OR3A3: variants seen among roughly 807,000 people sequenced by gnomAD.
OR3A3 encodes the protein olfactory receptor family 3 subfamily A member 3, also known as olfactory receptor 3A3.
For synonymous variants in OR3A3, 103 were observed against 163.9 expected (o/e 0.63, Z 2.84); for missense variants, 275 against 391.4 (o/e 0.70, Z 2.51).
exon 3 of OR3A3, chr17:3,421,300 A>G: frequency 2.5e-6 from 4 of 1,614,208 alleles, no homozygotes; most frequent in Non-Finnish European, 3.4e-6. Context: ...GGGCAGAAAG[A>G]AGGCCTTCTC....
intron 2 of OR3A3, among the ~76,000 whole-genome samples, chr17:3,419,937 T>C (rs1480622399): frequency 6.6e-6 from 1 of 152,002 alleles, no homozygotes; most frequent in Non-Finnish European, 1.5e-5. Context: ...GGCTGATTTT[T>C]TTTGTATTTT....
At chr17:3,413,222 G>A (rs1023419137) in intron 2 of OR3A3, among the ~76,000 whole-genome samples, 1 of 152,200 alleles carries the variant, frequency 6.6e-6, no homozygotes, top group Non-Finnish European at 1.5e-5. Context: ...CAAAGACAGG[G>A]AAAGAGAGAA....
exon 3 of OR3A3, chr17:3,421,490 G>A: frequency 6.4e-7 from 1 of 1,553,450 alleles, no homozygotes; most frequent in Non-Finnish European, 8.7e-7. Context: ...GATGTTCAGG[G>A]CGCTCTGTGT....
At chr17:3,414,509 T>C (rs2072379755) in intron 2 of OR3A3, among the ~76,000 whole-genome samples, 1 of 152,170 alleles carries the variant, frequency 6.6e-6, no homozygotes, top group South Asian at 2.1e-4. Flanking sequence ...AAAAACACGA[T>C]GCAGGAAGGT....
chr17:3,415,387 C>T (rs953476889), intron 2 of OR3A3, among the ~76,000 whole-genome samples: 6 of 151,284 alleles, frequency 4.0e-5, no homozygotes, highest in East Asian at 1.9e-4. Context: ...ATGGTGAAAC[C>T]CTATCTCTAC....
chr17:3,414,948 A>G (rs1370512763), intron 2 of OR3A3, among the ~76,000 whole-genome samples: 2 of 152,182 alleles, frequency 1.3e-5, no homozygotes, highest in African/African-American at 4.8e-5. Flanking sequence ...TAAAATCTCC[A>G]ATGAAAAACA....
chr17:3,413,849 A>AC lies in OR3A3; in HGVS notation c.-7+1678_-7+1679insC, dbSNP rs371990748. ...AAAAAACAAAAAAACAAAAAACAAA[A>AC]AAAAAAAACTTTAAGGACCTCTTAG... On this transcript the variant is annotated intron_variant, in intron 2 of 2. Coordinates refer to ENST00000641141, the Ensembl canonical transcript of OR3A3. Among the ~76,000 whole-genome samples the AC allele has an allele frequency of 1.4e-3, 209 of 150,872 alleles. 1 individual carries two copies. The highest frequency in any genetic ancestry group is 4.9e-3 in the African/African-American group (202 of 41,046).
rs567296268 is a variant in OR3A3 at position 3,421,512 on chromosome 17, G to C, written c.927G>C (p.Val309=). 94 of 1,532,264 alleles carry C rather than the reference G, an allele frequency of 6.1e-5. 1 individual carries two copies. The South Asian group carries it at 1.0e-3, about 17-fold the overall frequency. 94.9% of individuals were successfully genotyped at this position (1,532,264 alleles called of 1,614,324 possible). Residue 309 remains valine (V), a synonymous_variant, in exon 3 of 3, where the codon GTG becomes GTC. Coordinates refer to ENST00000641141, the Ensembl canonical transcript of OR3A3. ...AGGGCGCTCTGTGTCAGCTACTTGT[G>C]GGGAAGCGATCACTGACCTGAGAGA...
intron 2 of OR3A3, among the ~76,000 whole-genome samples, chr17:3,414,883 A>G (rs2072381486): frequency 6.6e-6 from 1 of 150,722 alleles, no homozygotes; most frequent in South Asian, 2.1e-4. Context: ...TCGATCATTC[A>G]TAAAAAGTAT....
chr17:3,412,424 C>T (rs2072367473), intron 2 of OR3A3, among the ~76,000 whole-genome samples: 1 of 147,542 alleles, frequency 6.8e-6, no homozygotes, highest in Non-Finnish European at 1.5e-5. Context: ...TGCCCGCACC[C>T]ACTGCATCAG....
At chr17:3,423,217 T>A (rs1438500726) in exon 3 of OR3A3, 1 of 152,268 alleles carries the variant, frequency 6.6e-6, no homozygotes, top group African/African-American at 2.4e-5. Context: ...TCACATTTAA[T>A]GACCTCTGAT....
chr17:3,419,146 C>T (rs1367195785), intron 2 of OR3A3, among the ~76,000 whole-genome samples: 2 of 152,204 alleles, frequency 1.3e-5, no homozygotes, highest in Non-Finnish European at 2.9e-5. Flanking sequence ...ACAATAATAA[C>T]ACTAGCAATT....
chr17:3,420,615 C>T (rs201506589), exon 3 of OR3A3: 47 of 1,518,188 alleles, frequency 3.1e-5, no homozygotes, highest in East Asian at 1.4e-4. Flanking sequence ...CCAATAGGAC[C>T]GCTGTTGCTG....
chr17:3,411,917 G>C (rs568801672), intron 1 of OR3A3, 61 bp from the exon 2 acceptor site: 1 of 151,966 alleles, frequency 6.6e-6, no homozygotes, highest in Admixed American at 6.6e-5. Context: ...GTTGCCATGA[G>C]TATGAAGGGC....
In OR3A3 at chr17:3,417,982, A is replaced by AT. The variant is rs1323003654; in HGVS notation, c.-6-2592dup. Among the ~76,000 whole-genome samples, 8 of 151,852 alleles carry AT rather than the reference A, an allele frequency of 5.3e-5. No homozygotes were observed. The East Asian group carries it at 1.2e-3, about 22-fold the overall frequency. ...TCTAATTGTTTGTTCCTCCATGCTC[A>AT]TTTTTTACCTGAGTTCTGTTATCTC... On this transcript the variant is annotated intron_variant, in intron 2 of 2. Transcript: ENST00000641141.
At chr17:3,421,025 T>C (rs2072430314) in exon 3 of OR3A3, 1 of 1,613,966 alleles carries the variant, frequency 6.2e-7, no homozygotes, top group Non-Finnish European at 8.5e-7. Flanking sequence ...CAGAGGATGT[T>C]GGTGGCTGCG....
chr17:3,412,039 A>G (rs965473728), exon 2 of OR3A3: 10 of 151,908 alleles, frequency 6.6e-5, no homozygotes, highest in African/African-American at 2.4e-4. Context: ...CTGTACAGAG[A>G]AGACAGCAGC....
intron 2 of OR3A3, among the ~76,000 whole-genome samples, chr17:3,412,494 G>A (rs1374215735): frequency 6.8e-6 from 1 of 147,302 alleles, no homozygotes; most frequent in African/African-American, 2.5e-5. Context: ...GGCGCGTGAG[G>A]GATGGGCTGG....
rs552954751 is a variant in OR3A3 at position 3,416,335 on chromosome 17, T to C, written c.-7+4164T>C. Among the ~76,000 whole-genome samples, 31 of 152,318 alleles carry C rather than the reference T, an allele frequency of 2.0e-4. No homozygotes were observed. The South Asian group carries it at 6.2e-3, about 31-fold the overall frequency. On this transcript the variant is annotated intron_variant, in intron 2 of 2. Coordinates refer to ENST00000641141, the Ensembl canonical transcript of OR3A3. The stretch of plus-strand genomic sequence containing the variant: ...TTCCTGACCAAATCCCAAATACTTA[T>C]GGTTAATTATTTTGGTAAAATTACT...
Sources: gnomAD v4.1 joint callset for allele counts (sites outside exome capture counted in the v4.1 genomes callset) on GRCh38, gnomAD v4.1.1 for gene constraint, MANE v1.5 for transcripts, NCBI Gene and HGNC (gene_info 2026-07-23, HGNC 2026-07-21) for gene names.